RASEF: variants seen among roughly 807,000 people sequenced by gnomAD.
RASEF encodes the protein RAS and EF-hand domain containing.
Under a neutral mutation model 90.1 loss-of-function variants are expected in RASEF, and 68 were observed. That is an observed-to-expected ratio of 0.75 (90% CI 0.62 to 0.92). The LOEUF (loss-of-function observed/expected upper bound fraction) is 0.92, where lower values mean the gene tolerates loss of function less well. Ranked by LOEUF, RASEF falls within the 40% of genes least tolerant of loss-of-function variation. The pLI, the probability that RASEF is intolerant of heterozygous loss-of-function variation, is 0.00. For missense variants in RASEF, 949 were observed against 937.2 expected (o/e 1.01, Z -0.16); for synonymous variants, 331 against 345.2 (o/e 0.96, Z 0.46).
the RASEF span, among the ~76,000 whole-genome samples, chr9:83,100,196 C>T: frequency 6.6e-6 from 1 of 152,120 alleles, no homozygotes. Context: ...ATCTAGCAAG[C>T]TGAGAACAGA....
chr9:83,131,664 A>G, the RASEF span, among the ~76,000 whole-genome samples: 1 of 152,194 alleles, frequency 6.6e-6, no homozygotes, highest in Non-Finnish European at 1.5e-5. Context: ...CAGTCTAGCT[A>G]TATAAATGCC....
intron 1 of RASEF, 112 bp from the exon 2 acceptor site, chr9:83,026,033 G>A (rs1829542158): frequency 1.3e-6 from 1 of 789,948 alleles, no homozygotes; most frequent in East Asian, 2.8e-5. Context: ...AGAAAAACCA[G>A]CAATCACAGA....
intron 1 of RASEF, chr9:83,048,292 G>C: frequency 1.0e-6 from 1 of 985,386 alleles, no homozygotes; most frequent in Non-Finnish European, 1.2e-6. Flanking sequence ...AGGCATGAAG[G>C]CGTCACTTCT....
At chr9:83,082,297 C>T in the RASEF span, among the ~76,000 whole-genome samples, 1 of 152,156 alleles carries the variant, frequency 6.6e-6, no homozygotes, top group Non-Finnish European at 1.5e-5. Context: ...AGAGAATGAA[C>T]CTGACCTATC....
At chr9:83,036,286 C>T (rs956506154) in intron 1 of RASEF, among the ~76,000 whole-genome samples, 1 of 152,224 alleles carries the variant, frequency 6.6e-6, no homozygotes, top group African/African-American at 2.4e-5. Flanking sequence ...AGATTGGAAG[C>T]AGCTGCCTCG....
intron 1 of RASEF, among the ~76,000 whole-genome samples, chr9:83,061,490 C>T (rs796532257): frequency 1.1e-4 from 16 of 152,300 alleles, no homozygotes; most frequent in African/African-American, 3.8e-4. Context: ...AAACATAAAG[C>T]AGAAAAACAC....
chr9:83,064,710 A>G (rs753869476), upstream of RASEF, among the ~76,000 whole-genome samples: 2 of 152,014 alleles, frequency 1.3e-5, no homozygotes, highest in African/African-American at 2.4e-5. Flanking sequence ...ATTTTTTCTG[A>G]ATTCTTATGT....
intron 1 of RASEF, among the ~76,000 whole-genome samples, chr9:83,057,390 C>A (rs2117896802): frequency 6.6e-6 from 1 of 152,232 alleles, no homozygotes; most frequent in East Asian, 1.9e-4. Flanking sequence ...TTTGTATACA[C>A]CAATAATGAG....
At position 83,063,085 on chromosome 9, in the gene RASEF, C is replaced by G. The variant is rs1168108630; in HGVS notation, c.-218G>C. The G allele has an allele frequency of 4.0e-6, 2 of 503,252 alleles. No individual in the cohort carries two copies. Among genetic ancestry groups the G allele is most frequent in the East Asian group, 7.2e-5 (2 of 27,930 alleles). The allele number at this position is 503,252 out of a possible 1,614,324, so 31.2% of individuals were successfully genotyped here. On this transcript the variant is annotated 5_prime_UTR_variant, in exon 1 of 17. Transcript: ENST00000376447. Reference sequence around the variant, plus strand: ...GTTCGGGCCAGCCCCCAACAGGTCCCGGGAGCGGTGGGGTGCGCCCGGGCT... The same window carrying G: ...GTTCGGGCCAGCCCCCAACAGGTCCGGGGAGCGGTGGGGTGCGCCCGGGCT...
At chr9:83,198,627 T>A in the RASEF span, among the ~76,000 whole-genome samples, 121,204 of 152,068 alleles carry the variant, frequency 0.8, 48,854 homozygotes, top group East Asian at 0.96. Context: ...CAGGCTGTTC[T>A]TCTCAGCCCT....
the RASEF span, among the ~76,000 whole-genome samples, chr9:83,148,671 A>C: frequency 6.6e-6 from 1 of 152,226 alleles, no homozygotes; most frequent in Admixed American, 6.5e-5. Context: ...AGCCCTTGGA[A>C]ACTGATACGA....
At chr9:83,107,532 A>G in the RASEF span, among the ~76,000 whole-genome samples, 1 of 152,138 alleles carries the variant, frequency 6.6e-6, no homozygotes, top group Non-Finnish European at 1.5e-5. Flanking sequence ...TCCCATTTTC[A>G]TCAATTCATG....
the RASEF span, among the ~76,000 whole-genome samples, chr9:83,133,674 TC>T: frequency 6.6e-6 from 1 of 152,080 alleles, no homozygotes; most frequent in South Asian, 2.1e-4. Flanking sequence ...ACACCAAAAA[TC>T]TCAGTAACCA....
At chr9:83,196,821 A>T in the RASEF span, among the ~76,000 whole-genome samples, 1 of 152,178 alleles carries the variant, frequency 6.6e-6, no homozygotes, top group African/African-American at 2.4e-5. Context: ...GATTTGTGCA[A>T]ATTAATCTTT....
At chr9:83,148,434 C>T in the RASEF span, among the ~76,000 whole-genome samples, 2 of 152,100 alleles carry the variant, frequency 1.3e-5, no homozygotes, top group Admixed American at 1.3e-4. Flanking sequence ...AGGGAGAACA[C>T]CATGTGAAGA....
chr9:82,995,630 C>T (rs1828901606), intron 14 of RASEF, among the ~76,000 whole-genome samples: 1 of 151,992 alleles, frequency 6.6e-6, no homozygotes, highest in South Asian at 2.1e-4. Flanking sequence ...ATTTTTTGTA[C>T]AGATGGGGTC....
chr9:83,178,581 T>C, the RASEF span, among the ~76,000 whole-genome samples: 1 of 152,166 alleles, frequency 6.6e-6, no homozygotes, highest in African/African-American at 2.4e-5. Context: ...AAGCTCCCCT[T>C]AAGCTCCAGC....
At chr9:82,983,995 A>G (rs781348922) in intron 16 of RASEF, among the ~76,000 whole-genome samples, 4 of 152,212 alleles carry the variant, frequency 2.6e-5, no homozygotes, top group Non-Finnish European at 5.9e-5. Flanking sequence ...AACTGTGAGA[A>G]ATAAAAATTG....
At chr9:83,058,448 C>T (rs1295679219) in intron 1 of RASEF, among the ~76,000 whole-genome samples, 2 of 147,944 alleles carry the variant, frequency 1.4e-5, no homozygotes, top group East Asian at 1.9e-4. Flanking sequence ...TCCCAAAGTG[C>T]TGGGATTACA....
Sources: allele counts gnomAD v4.1 joint callset (sites outside exome capture counted in the v4.1 genomes callset), GRCh38; gene constraint gnomAD v4.1.1; transcripts MANE v1.5; gene names NCBI Gene and HGNC (gene_info 2026-07-23, HGNC 2026-07-21).